STXBP5L: variants seen among roughly 807,000 people sequenced by gnomAD.
The protein encoded by STXBP5L is syntaxin binding protein 5L.
STXBP5L carries 65 observed loss-of-function variants against 144.5 expected under a neutral mutation model. That is an observed-to-expected ratio of 0.45 (90% CI 0.37 to 0.55). The LOEUF (loss-of-function observed/expected upper bound fraction) is 0.55, where lower values mean the gene tolerates loss of function less well. Among genes scored for constraint, STXBP5L ranks in the 20% least tolerant of loss-of-function variants. STXBP5L has a pLI of 0.00. For missense variants in STXBP5L, 1,298 were observed against 1,405.5 expected (o/e 0.92, Z 1.22); for synonymous variants, 505 against 469.6 (o/e 1.08, Z -0.97).
In STXBP5L at chr3:121,097,043, C is replaced by T. The variant is rs189519394; in HGVS notation, c.471-17882C>T. Among the ~76,000 whole-genome samples, 95 of 152,266 alleles carry T rather than the reference C, an allele frequency of 6.2e-4. 3 individuals carry two copies. In the East Asian group the frequency reaches 0.012, roughly 20 times the overall value. On this transcript the variant is annotated intron_variant, in intron 5 of 26. Coordinates refer to ENST00000471454, the MANE Select transcript of STXBP5L (RefSeq NM_001308330.2). ...GCCTTTTTTTCAGAGATGCCCTGCC[C>T]GGAGAGGAGAAATGTGGCAGTCTGG...
chr3:121,110,973 G>A (rs1024136006), intron 5 of STXBP5L, among the ~76,000 whole-genome samples: 1 of 151,580 alleles, frequency 6.6e-6, no homozygotes, highest in Non-Finnish European at 1.5e-5. Flanking sequence ...TGCCTGTCTT[G>A]TTTCATCAAG....
Position 121,340,822 on chromosome 3 carries a change from T to C in STXBP5L, c.2176+22282T>C, listed in dbSNP as rs369873414. Among the ~76,000 whole-genome samples, 20 of 152,142 alleles carry C rather than the reference T, an allele frequency of 1.3e-4. 1 individual carries two copies. The highest frequency in any genetic ancestry group is 8.5e-4 in the Admixed American group (13 of 15,244). On this transcript the variant is annotated intron_variant, in intron 20 of 26. Coordinates refer to ENST00000471454, the MANE Select transcript of STXBP5L (RefSeq NM_001308330.2). The stretch of plus-strand genomic sequence containing the variant: ...CTTTTCAAGTCATAGTATAATAACA[T>C]ATAAATAGAAACAACAAAAAGTTAA...
At chr3:121,317,925 TA>T (rs2043838352) in intron 19 of STXBP5L, among the ~76,000 whole-genome samples, 1 of 152,124 alleles carries the variant, frequency 6.6e-6, no homozygotes, top group South Asian at 2.1e-4. Flanking sequence ...AAAGATCTTT[TA>T]AAAGCCAATA....
At chr3:121,200,907 G>A (rs952675232) in intron 9 of STXBP5L, among the ~76,000 whole-genome samples, 8 of 152,134 alleles carry the variant, frequency 5.3e-5, no homozygotes, top group African/African-American at 1.2e-4. Flanking sequence ...TTCCAATTGT[G>A]TGGTCAATTT....
At chr3:121,173,054 A>G (rs944238937) in intron 9 of STXBP5L, among the ~76,000 whole-genome samples, 2 of 152,126 alleles carry the variant, frequency 1.3e-5, no homozygotes, top group African/African-American at 4.8e-5. Flanking sequence ...GCTGGAAACC[A>G]TTCTCAGTAA....
intron 5 of STXBP5L, among the ~76,000 whole-genome samples, chr3:121,070,929 G>T (rs557969902): frequency 6.6e-6 from 1 of 152,306 alleles, no homozygotes; most frequent in South Asian, 2.1e-4. Context: ...CATAGGGCAA[G>T]AACTCTGGGT....
At chr3:121,383,698 G>A (rs1293012870) in intron 22 of STXBP5L, among the ~76,000 whole-genome samples, 1 of 152,012 alleles carries the variant, frequency 6.6e-6, no homozygotes, top group Non-Finnish European at 1.5e-5. Context: ...AAAAGATAAG[G>A]GTGACAGAAA....
intron 22 of STXBP5L, among the ~76,000 whole-genome samples, chr3:121,395,729 C>T (rs4080279): frequency 0.48 from 72,658 of 152,052 alleles, 17,878 homozygotes; most frequent in East Asian, 0.73. Flanking sequence ...ATGGTGATAC[C>T]GCTATCATAG....
chr3:121,115,111 A>T, intron 6 of STXBP5L, 52 bp downstream of exon 6: 2 of 1,522,478 alleles, frequency 1.3e-6, no homozygotes, highest in Admixed American at 2.1e-5. Context: ...TCATACAGTT[A>T]TGTAACATGT....
intron 10 of STXBP5L, among the ~76,000 whole-genome samples, chr3:121,216,187 A>G: frequency 6.6e-6 from 1 of 152,162 alleles, no homozygotes; most frequent in East Asian, 1.9e-4. Context: ...TGAAGCCTAC[A>G]TCTTTCAATT....
At chr3:121,208,930 C>T (rs2048445643) in intron 10 of STXBP5L, among the ~76,000 whole-genome samples, 1 of 152,030 alleles carries the variant, frequency 6.6e-6, no homozygotes, top group Non-Finnish European at 1.5e-5. Context: ...CCCCACAACC[C>T]CCAACAGGCC....
chr3:121,030,928 G>A (rs570208037), intron 3 of STXBP5L, among the ~76,000 whole-genome samples: 103 of 152,250 alleles, frequency 6.8e-4, no homozygotes, highest in African/African-American at 2.3e-3. Context: ...TACTGGGAGA[G>A]CTGGAAAAAT....
intron 2 of STXBP5L, among the ~76,000 whole-genome samples, chr3:120,924,156 T>G (rs1709492347): frequency 6.6e-6 from 1 of 152,208 alleles, no homozygotes; most frequent in African/African-American, 2.4e-5. Flanking sequence ...ATGTTTCACA[T>G]CATTATCATC....
At chr3:121,137,528 C>T (rs925356645) in intron 7 of STXBP5L, among the ~76,000 whole-genome samples, 4 of 151,998 alleles carry the variant, frequency 2.6e-5, no homozygotes, top group African/African-American at 4.8e-5. Flanking sequence ...AGATGCAAAA[C>T]GTTTAACAAA....
At chr3:121,195,781 T>C (rs1185070862) in intron 9 of STXBP5L, among the ~76,000 whole-genome samples, 5 of 152,246 alleles carry the variant, frequency 3.3e-5, no homozygotes, top group South Asian at 2.1e-4. Flanking sequence ...TTCCAATCCC[T>C]AATGATGCCA....
chr3:121,044,379 C>T (rs1203750119), intron 4 of STXBP5L, among the ~76,000 whole-genome samples: 2 of 152,270 alleles, frequency 1.3e-5, no homozygotes, highest in East Asian at 3.9e-4. Context: ...TTCCTATCTT[C>T]TCTCTTCTAA....
rs540631257 is a variant in STXBP5L at position 121,054,195 on chromosome 3, G to T, written c.470+8660G>T. Among the ~76,000 whole-genome samples the T allele has an allele frequency of 2.5e-4, 38 of 152,224 alleles. No homozygotes were observed. The South Asian group carries it at 6.2e-3, about 25-fold the overall frequency. The stretch of plus-strand genomic sequence containing the variant: ...GAAGTCAGTGTGGCGATTCCTCAGG[G>T]ATCTAGAACTAGAAATACCATTTGA... On this transcript the variant is annotated intron_variant, in intron 5 of 26. Coordinates refer to ENST00000471454, the MANE Select transcript of STXBP5L (RefSeq NM_001308330.2).
At chr3:121,030,096 C>A (rs769379000) in intron 3 of STXBP5L, among the ~76,000 whole-genome samples, 1 of 152,122 alleles carries the variant, frequency 6.6e-6, no homozygotes, top group Non-Finnish European at 1.5e-5. Flanking sequence ...TAAATTAGTT[C>A]AACCATTGTG....
intron 5 of STXBP5L, among the ~76,000 whole-genome samples, chr3:121,050,823 C>T (rs1947916398): frequency 6.6e-6 from 1 of 152,190 alleles, no homozygotes; most frequent in Middle Eastern, 3.4e-3. Context: ...TATCAGTGTG[C>T]TGTATTCAGG....
Sources: gnomAD v4.1 joint callset for allele counts (sites outside exome capture counted in the v4.1 genomes callset) on GRCh38, gnomAD v4.1.1 for gene constraint, MANE v1.5 for transcripts, NCBI Gene and HGNC (gene_info 2026-07-23, HGNC 2026-07-21) for gene names.